Variants in FBRSL1 observed in about 807,000 individuals in gnomAD.
FBRSL1 encodes the protein fibrosin like 1, also known as fibrosin-1-like protein.
FBRSL1 carries 51 observed loss-of-function variants against 89.6 expected under a neutral mutation model. The observed-to-expected ratio is 0.57, with a 90% confidence interval of 0.45 to 0.72. The LOEUF (loss-of-function observed/expected upper bound fraction) is 0.72, where lower values mean the gene tolerates loss of function less well. Among genes scored for constraint, FBRSL1 ranks in the 30% least tolerant of loss-of-function variants. FBRSL1 has a pLI of 0.00. For synonymous variants in FBRSL1, 779 were observed against 681.1 expected, an observed-to-expected ratio of 1.14 and a Z score of -2.24; for missense variants, 1,618 against 1,451.8, an observed-to-expected ratio of 1.11 and a Z score of -1.86.
rs1296493886 is a variant in FBRSL1, at chr12:132,583,706, G to T, written c.2937G>T (p.Leu979=). 17 of 1,195,418 alleles carry T rather than the reference G, an allele frequency of 1.4e-5. No individual in the cohort carries two copies. The African/African-American group carries it at 2.7e-4, about 19-fold the overall frequency. 74.1% of individuals were successfully genotyped at this position (1,195,418 alleles called of 1,614,324 possible). The part of the protein sequence containing the change: ...PGPPRSRTTP[L]GGLGPGEARD... ...CGCCGCGGAGCCGGACTACTCCGCT[G>T]GGGGGCCTCGGGCCGGGCGAGGCGC... is the stretch of plus-strand genomic sequence containing the variant. Residue 979 remains leucine, a synonymous_variant, in exon 19 of 19, where the codon CTG becomes CTT. Coordinates refer to ENST00000680143, the MANE Select transcript of FBRSL1 (RefSeq NM_001367871.1).
chr12:132,492,789 T>A (rs140484497), intron 1 of FBRSL1, among the ~76,000 whole-genome samples: 15 of 152,366 alleles, frequency 9.8e-5, no homozygotes, highest in Admixed American at 6.5e-4. Flanking sequence ...GGTGGTTTCA[T>A]GTCCCTTCCT....
intron 4 of FBRSL1, among the ~76,000 whole-genome samples, chr12:132,534,691 T>C (rs541801970): frequency 1.3e-5 from 2 of 152,242 alleles, no homozygotes; most frequent in African/African-American, 4.8e-5. Context: ...GTGGCTGGGC[T>C]GGGTGGAGGG....
intron 7 of FBRSL1, 32 bp from the exon 8 acceptor site, chr12:132,570,303 G>A (rs1372073477): frequency 6.6e-7 from 1 of 1,520,710 alleles, no homozygotes; most frequent in Non-Finnish European, 8.8e-7. Flanking sequence ...GCAGGGGTCG[G>A]GCTGGCAGGC....
intron 1 of FBRSL1, among the ~76,000 whole-genome samples, chr12:132,494,275 T>A (rs2031620960): frequency 6.6e-6 from 1 of 152,192 alleles, no homozygotes; most frequent in African/African-American, 2.4e-5. Context: ...CCTGGAGCAG[T>A]GCTGTGGCCA....
intron 5 of FBRSL1, among the ~76,000 whole-genome samples, chr12:132,548,725 C>T (rs1043274077): frequency 1.3e-5 from 2 of 152,168 alleles, no homozygotes; most frequent in African/African-American, 2.4e-5. Flanking sequence ...GGTCCCGGCC[C>T]GTAACCACTG....
chr12:132,559,602 A>T (rs759731648), intron 5 of FBRSL1, among the ~76,000 whole-genome samples: 13 of 151,464 alleles, frequency 8.6e-5, no homozygotes, highest in Non-Finnish European at 1.6e-4. Context: ...GGGTCTTCCT[A>T]TGTTGGCCAG....
At chr12:132,574,801 G>A (rs2040273308) in intron 14 of FBRSL1, among the ~76,000 whole-genome samples, 1 of 152,144 alleles carries the variant, frequency 6.6e-6, no homozygotes, top group East Asian at 1.9e-4. Context: ...GGCAAGGTGT[G>A]CCGGCTGGGC....
chr12:132,519,885 G>A (rs1453414780), intron 2 of FBRSL1, among the ~76,000 whole-genome samples: 2 of 132,186 alleles, frequency 1.5e-5, no homozygotes, highest in African/African-American at 3.1e-5. Flanking sequence ...TCCAGCCTGG[G>A]CAAGACTCTG....
intron 4 of FBRSL1, among the ~76,000 whole-genome samples, chr12:132,534,013 T>C (rs974587609): frequency 6.6e-6 from 1 of 151,986 alleles, no homozygotes; most frequent in Non-Finnish European, 1.5e-5. Flanking sequence ...AGCTGGGCCG[T>C]AGAGGATGGG....
chr12:132,555,434 G>A (rs2038545187), intron 5 of FBRSL1, among the ~76,000 whole-genome samples: 1 of 141,210 alleles, frequency 7.1e-6, no homozygotes, highest in Non-Finnish European at 1.5e-5. Flanking sequence ...TGGCCTCCAC[G>A]GTAGCTGCGC....
chr12:132,536,845 C>A (rs2036799523), intron 4 of FBRSL1, among the ~76,000 whole-genome samples: 1 of 152,144 alleles, frequency 6.6e-6, no homozygotes, highest in South Asian at 2.1e-4. Context: ...GCATGCATGA[C>A]TGCATGTGAG....
chr12:132,533,991 G>A (rs1049324370), intron 4 of FBRSL1, among the ~76,000 whole-genome samples: 1 of 152,212 alleles, frequency 6.6e-6, no homozygotes. Flanking sequence ...AGAACAGGGA[G>A]GGGTGCAGGG....
At chr12:132,570,717 A>G (rs3751311) in intron 8 of FBRSL1, among the ~76,000 whole-genome samples, 177 bp downstream of exon 8, 129,549 of 152,170 alleles carry the variant, frequency 0.85, 55,422 homozygotes, top group East Asian at 0.98. Flanking sequence ...GCTGGGCCAC[A>G]GGCCATCTGT....
intron 5 of FBRSL1, among the ~76,000 whole-genome samples, chr12:132,555,637 G>C (rs996511618): frequency 6.6e-6 from 1 of 152,210 alleles, no homozygotes; most frequent in Non-Finnish European, 1.5e-5. Context: ...AGGCCCCAGA[G>C]GAGGATCCTT....
chr12:132,509,986 C>G, intron 2 of FBRSL1: 2 of 1,231,596 alleles, frequency 1.6e-6, no homozygotes, highest in Middle Eastern at 3.1e-4. Flanking sequence ...CCCCGGCGGT[C>G]GCTGCTGCGC....
intron 5 of FBRSL1, among the ~76,000 whole-genome samples, chr12:132,555,238 G>T (rs139517212): frequency 1.1e-3 from 160 of 149,662 alleles, no homozygotes; most frequent in African/African-American, 4.0e-3. Flanking sequence ...CCTCGGGTGG[G>T]AGTGTAGCTG....
rs541679646 is a variant in FBRSL1, at chr12:132,584,526, G to A, written c.*748G>A. ...CTGTAAACATTATCAGAAGTTTAAT[G>A]GCAGCAACTTTCCTTCAACTATGCA... On this transcript the variant is annotated 3_prime_UTR_variant, in exon 19 of 19. Transcript: ENST00000680143. 3.9e-5 allele frequency: 6 copies of A among 152,330 alleles called. No homozygotes were observed. Among genetic ancestry groups the A allele is most frequent in the South Asian group, 4.1e-4 (2 of 4,830 alleles). The allele number at this position is 152,330 out of a possible 1,614,324, so 9.4% of individuals were successfully genotyped here.
chr12:132,501,063 C>T (rs543414415), intron 1 of FBRSL1, among the ~76,000 whole-genome samples: 3 of 152,376 alleles, frequency 2.0e-5, no homozygotes, highest in East Asian at 3.9e-4. Context: ...CCTGCAGCCA[C>T]TGCCAGGGAG....
rs1303855758 is a variant in FBRSL1 at position 132,584,155 on chromosome 12, C to T, written c.*377C>T. On this transcript the variant is annotated 3_prime_UTR_variant, in exon 19 of 19. Transcript: ENST00000680143. ...GGCCTCAGATCCTTCTCCAGATCCC[C>T]AGGGTTTCTTTGTCTTATTTATGGA... 6 of 152,560 alleles carry T rather than the reference C, an allele frequency of 3.9e-5. No homozygotes were observed. The highest frequency in any genetic ancestry group is 8.8e-5 in the Non-Finnish European group (6 of 68,278). The allele number at this position is 152,560 out of a possible 1,614,324, so 9.5% of individuals were successfully genotyped here. A position where few individuals can be genotyped will look rare whatever the true frequency, so the allele number is the denominator to read the frequency against.
Sources: allele counts gnomAD v4.1 joint callset (sites outside exome capture counted in the v4.1 genomes callset), GRCh38; gene constraint gnomAD v4.1.1; transcripts MANE v1.5; gene names NCBI Gene and HGNC (gene_info 2026-07-23, HGNC 2026-07-21).